Variants in ROR1 observed in about 807,000 individuals in gnomAD.
ROR1 encodes ROR family WNT receptor 1.
Under a neutral mutation model 78.8 loss-of-function variants are expected in ROR1, and 19 were observed. The ratio of observed to expected loss-of-function variants is 0.24; its 90% CI spans 0.17 to 0.35. The LOEUF is 0.35. Among genes scored for constraint, ROR1 ranks in the 10% least tolerant of loss-of-function variants. The pLI is 1.00. For synonymous variants in ROR1, 386 were observed against 433.6 expected (o/e 0.89, Z 1.36); for missense variants, 917 against 1,177.8 (o/e 0.78, Z 3.24).
chr1:63,953,025 G>A lies in ROR1; in HGVS notation c.92-56280G>A, dbSNP rs561696008. On this transcript the variant is annotated intron_variant, in intron 1 of 8. Transcript: ENST00000371079. ...TTATGGGGCATTAATCCTTGGCTCT[G>A]TCCTGGGAGAATGAAAATTACATAA... is the stretch of plus-strand genomic sequence containing the variant. Among the ~76,000 whole-genome samples the A allele has an allele frequency of 1.9e-4, 29 of 152,268 alleles. No homozygotes were observed. In the South Asian group the frequency reaches 6.0e-3, roughly 32 times the overall value.
intron 1 of ROR1, among the ~76,000 whole-genome samples, chr1:63,906,327 C>A (rs1645528360): frequency 6.6e-6 from 1 of 152,142 alleles, no homozygotes; most frequent in Non-Finnish European, 1.5e-5. Flanking sequence ...AAGCAAGGAT[C>A]ATTTTGTAAA....
At chr1:64,145,117 CAT>C (rs2100716061) in intron 7 of ROR1, among the ~76,000 whole-genome samples, 1 of 152,198 alleles carries the variant, frequency 6.6e-6, no homozygotes, top group Non-Finnish European at 1.5e-5. Context: ...CGAATTATCA[CAT>C]AGTCAACATA....
chr1:63,849,744 T>G (rs1222746783), intron 1 of ROR1, among the ~76,000 whole-genome samples: 1 of 152,144 alleles, frequency 6.6e-6, no homozygotes, highest in Non-Finnish European at 1.5e-5. Flanking sequence ...AGTGGATGGA[T>G]TTTTGTTTTT....
chr1:63,906,334 T>A (rs1645528405), intron 1 of ROR1, among the ~76,000 whole-genome samples: 1 of 152,222 alleles, frequency 6.6e-6, no homozygotes, highest in Admixed American at 6.5e-5. Context: ...GATCATTTTG[T>A]AAACATCTGG....
chr1:64,171,694 C>CTGT (rs1348344882), intron 8 of ROR1, among the ~76,000 whole-genome samples: 1 of 152,174 alleles, frequency 6.6e-6, no homozygotes, highest in Admixed American at 6.5e-5. Context: ...TCAGCACCTA[C>CTGT]TGTTGTTAAA....
chr1:64,034,531 C>T (rs1462545492), intron 2 of ROR1, among the ~76,000 whole-genome samples: 1 of 152,106 alleles, frequency 6.6e-6, no homozygotes, highest in African/African-American at 2.4e-5. Context: ...TGAGTCCCCC[C>T]TCTTTCTCTC....
At chr1:63,794,230 T>C (rs1407502135) in intron 1 of ROR1, among the ~76,000 whole-genome samples, 2 of 152,176 alleles carry the variant, frequency 1.3e-5, no homozygotes, top group African/African-American at 4.8e-5. Flanking sequence ...TCCCCATCTG[T>C]AAAAATTGGG....
At chr1:63,891,559 G>C (rs1645396375) in intron 1 of ROR1, among the ~76,000 whole-genome samples, 1 of 152,158 alleles carries the variant, frequency 6.6e-6, no homozygotes, top group South Asian at 2.1e-4. Context: ...AACTGGTAAA[G>C]CATTATTTCT....
intron 4 of ROR1, chr1:64,106,780 C>T (rs1462109724): frequency 6.6e-6 from 1 of 152,174 alleles, no homozygotes; most frequent in Non-Finnish European, 1.5e-5. Flanking sequence ...ATATGCTGAG[C>T]CAGCTTTGCA....
chr1:63,876,645 G>GGGGT (rs1645286747), intron 1 of ROR1, among the ~76,000 whole-genome samples: 1 of 130,610 alleles, frequency 7.7e-6, no homozygotes, highest in Non-Finnish European at 1.6e-5. Flanking sequence ...CCACGAAAGG[G>GGGGT]GTGTGTGTGT....
At chr1:64,023,504 C>T (rs1275373329) in intron 2 of ROR1, among the ~76,000 whole-genome samples, 1 of 152,036 alleles carries the variant, frequency 6.6e-6, no homozygotes, top group African/African-American at 2.4e-5. Flanking sequence ...GTTTATTGCC[C>T]TTATCCTTAA....
intron 1 of ROR1, among the ~76,000 whole-genome samples, chr1:63,899,249 A>G (rs1645465932): frequency 6.6e-6 from 1 of 152,162 alleles, no homozygotes; most frequent in Admixed American, 6.5e-5. Flanking sequence ...GAAGATTTTC[A>G]GTAATTTGAC....
At chr1:64,051,468 AAAATAAAATAAAAT>A (rs1305114506) in intron 4 of ROR1, among the ~76,000 whole-genome samples, 2 of 132,074 alleles carry the variant, frequency 1.5e-5, no homozygotes, top group Admixed American at 1.5e-4. Context: ...AAAATAAAAT[AAAATAAAATAAAAT>A]AAAATAAAAT....
At chr1:64,034,803 A>T (rs1018733871) in intron 2 of ROR1, among the ~76,000 whole-genome samples, 3 of 152,206 alleles carry the variant, frequency 2.0e-5, no homozygotes, top group Admixed American at 6.5e-5. Context: ...TATATAAATA[A>T]ATAAGCCTTT....
intron 1 of ROR1, among the ~76,000 whole-genome samples, chr1:63,957,567 C>T (rs1403836131): frequency 1.3e-5 from 2 of 152,066 alleles, no homozygotes; most frequent in African/African-American, 4.8e-5. Flanking sequence ...AGAGTGGCTG[C>T]TGGGAAGGGA....
intron 4 of ROR1, among the ~76,000 whole-genome samples, chr1:64,100,211 G>A (rs1647471161): frequency 6.6e-6 from 1 of 152,068 alleles, no homozygotes; most frequent in African/African-American, 2.4e-5. Flanking sequence ...ACCATGTGTG[G>A]TGGCTCGTGT....
intron 4 of ROR1, among the ~76,000 whole-genome samples, chr1:64,051,540 A>C (rs1317132525): frequency 6.6e-6 from 1 of 152,090 alleles, no homozygotes; most frequent in African/African-American, 2.4e-5. Context: ...AGAAAGTCCC[A>C]AGCTTGGACT....
rs1188279940 is a variant in ROR1 at position 64,100,139 on chromosome 1, T to C, written c.483-37230T>C. Among the ~76,000 whole-genome samples, 3 of 151,988 alleles carry C rather than the reference T, an allele frequency of 2.0e-5. No individual in the cohort carries two copies. In the East Asian group the frequency reaches 5.8e-4, roughly 29 times the overall value. On this transcript the variant is annotated intron_variant, in intron 4 of 8. Coordinates refer to ENST00000371079, the MANE Select transcript of ROR1 (RefSeq NM_005012.4). ...AATATTACAAATCATACACAATAGA[T>C]GTTGAGTTAAATTCAATTCAGTTGA...
intron 1 of ROR1, among the ~76,000 whole-genome samples, chr1:63,946,471 G>A (rs1175281088): frequency 2.0e-5 from 3 of 152,152 alleles, no homozygotes; most frequent in African/African-American, 7.2e-5. Flanking sequence ...TGTTTTTGTG[G>A]TGTACAACAT....
Sources: gnomAD v4.1 joint callset for allele counts (sites outside exome capture counted in the v4.1 genomes callset) on GRCh38, gnomAD v4.1.1 for gene constraint, MANE v1.5 for transcripts, NCBI Gene and HGNC (gene_info 2026-07-23, HGNC 2026-07-21) for gene names.